GPHN: variants seen among roughly 807,000 people sequenced by gnomAD.
GPHN encodes the protein gephyrin.
In GPHN, 17 loss-of-function variants were observed where a neutral mutation model predicts 95.5. That is an observed-to-expected ratio of 0.18 (90% CI 0.12 to 0.27). GPHN has a LOEUF of 0.27. Ranked by LOEUF, GPHN falls within the 10% of genes least tolerant of loss-of-function variation. The pLI is 1.00. For missense variants in GPHN, 660 were observed against 978.1 expected (o/e 0.67, Z 4.34); for synonymous variants, 320 against 322.5 (o/e 0.99, Z 0.08).
At chr14:67,178,879 A>T (rs1254491779) in intron 21 of GPHN, among the ~76,000 whole-genome samples, 1 of 152,220 alleles carries the variant, frequency 6.6e-6, no homozygotes, top group Admixed American at 6.5e-5. Flanking sequence ...TTATCTGCAG[A>T]AACCTTAAGG....
chr14:67,412,026 C>T, the GPHN span: 1 of 1,557,774 alleles, frequency 6.4e-7, no homozygotes, highest in Non-Finnish European at 8.7e-7. Flanking sequence ...ACCCTCTTGA[C>T]CAGGAAGCCC....
chr14:67,101,167 T>C (rs1043852519), intron 13 of GPHN, among the ~76,000 whole-genome samples: 1 of 151,994 alleles, frequency 6.6e-6, no homozygotes, highest in Non-Finnish European at 1.5e-5. Flanking sequence ...TCCAGACCTG[T>C]GATTGGGTGA....
intron 22 of GPHN, among the ~76,000 whole-genome samples, chr14:67,180,249 G>T (rs981527783): frequency 6.6e-6 from 1 of 152,128 alleles, no homozygotes; most frequent in South Asian, 2.1e-4. Context: ...TTTAAACAAA[G>T]ATCCTACCAA....
chr14:66,595,841 T>G (rs1669339753), intron 1 of GPHN, among the ~76,000 whole-genome samples: 1 of 152,228 alleles, frequency 6.6e-6, no homozygotes, highest in Non-Finnish European at 1.5e-5. Flanking sequence ...TCAGCCCTGT[T>G]TGTGTTACTG....
intron 5 of GPHN, among the ~76,000 whole-genome samples, chr14:66,903,395 TGTTACA>T (rs140384894): frequency 0.011 from 1,648 of 152,224 alleles, 24 homozygotes; most frequent in African/African-American, 0.037. Context: ...TGGCTACAGT[TGTTACA>T]GTTACAGTTG....
intron 9 of GPHN, among the ~76,000 whole-genome samples, chr14:67,018,926 A>G (rs117847419): frequency 0.012 from 1,830 of 152,318 alleles, 19 homozygotes; most frequent in Non-Finnish European, 0.018. Context: ...CTGGCCTGCT[A>G]AGAGTAAAAA....
intron 10 of GPHN, among the ~76,000 whole-genome samples, chr14:67,045,653 G>GTC (rs199602753): frequency 9.0e-4 from 129 of 142,608 alleles, no homozygotes; most frequent in Admixed American, 4.2e-3. Context: ...CTCTGCCTCT[G>GTC]TCTCTCTCTC....
chr14:67,358,021 T>C, the GPHN span, among the ~76,000 whole-genome samples: 1 of 152,022 alleles, frequency 6.6e-6, no homozygotes, highest in Non-Finnish European at 1.5e-5. Flanking sequence ...GAGGGGTCTA[T>C]CAATTAGGTG....
chr14:66,932,671 T>G (rs1377315172), intron 8 of GPHN, among the ~76,000 whole-genome samples: 1 of 150,962 alleles, frequency 6.6e-6, no homozygotes, highest in Non-Finnish European at 1.5e-5. Flanking sequence ...CACTCTAGGC[T>G]CAGGGCAGCT....
chr14:67,054,501 A>T (rs140704344), intron 10 of GPHN, among the ~76,000 whole-genome samples: 427 of 152,336 alleles, frequency 2.8e-3, no homozygotes, highest in African/African-American at 9.9e-3. Flanking sequence ...GGAAGAATCA[A>T]TATCATGAAA....
At chr14:67,647,335 G>A in the GPHN span, 1 of 237,096 alleles carries the variant, frequency 4.2e-6, no homozygotes, top group Non-Finnish European at 8.1e-6. Flanking sequence ...CCAGCCTCAC[G>A]ATTGTTTCAT....
intron 1 of GPHN, among the ~76,000 whole-genome samples, chr14:66,665,992 A>G (rs1300746318): frequency 1.3e-5 from 2 of 152,002 alleles, no homozygotes; most frequent in East Asian, 3.9e-4. Context: ...TCAGTAAACT[A>G]TCGCAAGGAC....
rs116343011 is a variant in GPHN, at chr14:66,780,016, A to G, written c.201+3495A>G. ...CAATGAGGCTAGAGAAGAAAACAAG[A>G]TTTGAAAAATATTATTTCAGAAAGT... is the stretch of plus-strand genomic sequence containing the variant. On this transcript the variant is annotated intron_variant, in intron 3 of 22. Coordinates refer to ENST00000478722, the MANE Select transcript of GPHN (RefSeq NM_020806.5). Among the ~76,000 whole-genome samples, 1,065 of 152,270 alleles carry G rather than the reference A, an allele frequency of 7.0e-3. 5 individuals carry two copies. Among genetic ancestry groups the G allele is most frequent in the African/African-American group, 0.025 (1,018 of 41,548 alleles).
the GPHN span, among the ~76,000 whole-genome samples, chr14:67,213,319 C>T: frequency 1.8e-5 from 2 of 112,420 alleles, no homozygotes; most frequent in Non-Finnish European, 3.5e-5. Flanking sequence ...CCCCCCTCCC[C>T]CCACCCCACA....
At chr14:67,442,753 G>A in the GPHN span, among the ~76,000 whole-genome samples, 898 of 152,336 alleles carry the variant, frequency 5.9e-3, 12 homozygotes, top group Admixed American at 0.046. Flanking sequence ...CTGAGTACAA[G>A]TGCTGTGGGA....
chr14:66,743,430 G>T (rs374367695), intron 2 of GPHN, among the ~76,000 whole-genome samples: 1 of 152,202 alleles, frequency 6.6e-6, no homozygotes, highest in East Asian at 1.9e-4. Context: ...GTTGCCTGTT[G>T]CAATTTCCTT....
intron 1 of GPHN, among the ~76,000 whole-genome samples, chr14:66,645,731 A>C (rs2064712515): frequency 1.3e-5 from 2 of 151,768 alleles, no homozygotes; most frequent in African/African-American, 4.8e-5. Flanking sequence ...AAGTTATTTA[A>C]ACTGATTTTA....
At chr14:66,952,644 C>A (rs1413390122) in intron 8 of GPHN, among the ~76,000 whole-genome samples, 9 of 152,132 alleles carry the variant, frequency 5.9e-5, no homozygotes, top group Non-Finnish European at 1.3e-4. Context: ...TACCCAACAG[C>A]AATGTATGAG....
At chr14:66,632,236 A>G (rs770146107) in intron 1 of GPHN, among the ~76,000 whole-genome samples, 6 of 152,208 alleles carry the variant, frequency 3.9e-5, no homozygotes, top group Admixed American at 6.5e-5. Context: ...GTCTCTTAGC[A>G]AATGATAGTT....
Sources: gnomAD v4.1 joint callset for allele counts (sites outside exome capture counted in the v4.1 genomes callset) on GRCh38, gnomAD v4.1.1 for gene constraint, MANE v1.5 for transcripts, NCBI Gene and HGNC (gene_info 2026-07-23, HGNC 2026-07-21) for gene names.